The following SYTL2 variants were observed in gnomAD, a reference collection of about 807,000 sequenced individuals.
SYTL2 encodes synaptotagmin like 2.
Under a neutral mutation model 198.7 loss-of-function variants are expected in SYTL2, and 165 were observed. The ratio of observed to expected loss-of-function variants is 0.83; its 90% CI spans 0.73 to 0.94. The LOEUF (loss-of-function observed/expected upper bound fraction) is 0.94, where lower values mean the gene tolerates loss of function less well. Ranked by LOEUF, SYTL2 falls within the 40% of genes least tolerant of loss-of-function variation. The pLI is 0.00. For synonymous variants in SYTL2, 966 were observed against 917.7 expected (o/e 1.05, Z -0.95); for missense variants, 2,835 against 2,582.8 (o/e 1.10, Z -2.12).
chr11:85,733,122 A>G (rs1221675350), intron 7 of SYTL2, among the ~76,000 whole-genome samples: 1 of 152,194 alleles, frequency 6.6e-6, no homozygotes, highest in Non-Finnish European at 1.5e-5. Context: ...GAGCAGGCCA[A>G]AGTCTGAGGC....
In SYTL2 at chr11:85,724,199, G is replaced by A. The variant is rs1017354532; in HGVS notation, c.5159C>T (p.Pro1720Leu). The A allele has an allele frequency of 2.5e-6, 4 of 1,597,052 alleles. No individual in the cohort carries two copies. The highest frequency in any genetic ancestry group is 3.4e-6 in the Non-Finnish European group (4 of 1,175,276). ...AGAGTTTTCTTTGTTCATCAGGAGA[G>A]GAATGGGTTGCCTATTTCTGGACAC... The part of the protein sequence containing the change: ...ISVSRNRQPI[P>L]LLMNKENSTK... The change falls in exon 8 of 20, where the codon CCT (proline) becomes CTT (leucine). Residue 1720 changes from proline (P) to leucine (L), a missense_variant. Pro to Leu is a moderately conservative substitution (Grantham distance 98). Coordinates refer to ENST00000359152, the MANE Select transcript of SYTL2 (RefSeq NM_206927.4).
At chr11:85,717,601 C>G in intron 10 of SYTL2, 71 bp from the exon 11 acceptor site, 1 of 1,312,608 alleles carries the variant, frequency 7.6e-7, no homozygotes, top group Non-Finnish European at 1.1e-6. Context: ...GAAAGTAAAG[C>G]TCAAATGTCA....
chr11:85,842,027 A>T, the SYTL2 span, among the ~76,000 whole-genome samples: 1 of 152,168 alleles, frequency 6.6e-6, no homozygotes, highest in East Asian at 1.9e-4. Context: ...ACCACCTTTT[A>T]CATGTCAGGC....
chr11:85,853,092 C>G, the SYTL2 span: 1 of 295,176 alleles, frequency 3.4e-6, no homozygotes, highest in Non-Finnish European at 6.6e-6. Context: ...TCGGGGGCGC[C>G]TCTGCCCGGC....
In SYTL2 at chr11:85,695,236, G is replaced by C; in HGVS notation, c.6679C>G (p.Leu2227Val). ...GCAATCAAAAGCATTCTGAGAGGCAGTGTTGCTTCAATCCAAGTATTGGGG... is the reference window on the plus strand; with the variant it reads ...GCAATCAAAAGCATTCTGAGAGGCACTGTTGCTTCAATCCAAGTATTGGGG... Reference protein sequence around the residue: ...NSPNTWIEATLPLRMLLIAKI... With the variant: ...NSPNTWIEATVPLRMLLIAKI... Residue 2227 changes from leucine to valine, a missense_variant, in exon 20 of 20, where the codon CTG becomes GTG. Around this residue, in one of 3 missense-constraint regions of SYTL2, gnomAD observed 185 missense variants for 182.1 expected, o/e 1.02. Coordinates refer to ENST00000359152, the MANE Select transcript of SYTL2 (RefSeq NM_206927.4). 6.2e-7 allele frequency: 1 copy of C among 1,612,984 alleles called. No homozygotes were observed. The highest frequency in any genetic ancestry group is 8.5e-7 in the Non-Finnish European group (1 of 1,179,298).
chr11:85,709,246 C>T (rs1448481731), intron 14 of SYTL2, 85 bp downstream of exon 14: 1 of 1,383,572 alleles, frequency 7.2e-7, no homozygotes, highest in African/African-American at 1.4e-5. Flanking sequence ...CCTCCCTCCT[C>T]TTGATTACTT....
intron 1 of SYTL2, among the ~76,000 whole-genome samples, chr11:85,785,098 C>T (rs1251078005): frequency 1.3e-5 from 2 of 152,068 alleles, no homozygotes; most frequent in Non-Finnish European, 1.5e-5. Flanking sequence ...AGAGAAATGC[C>T]ACACCCATTC....
chr11:85,741,397 C>T (rs925027782), intron 4 of SYTL2, among the ~76,000 whole-genome samples: 11 of 152,182 alleles, frequency 7.2e-5, no homozygotes, highest in Admixed American at 7.2e-4. Flanking sequence ...AGTGTTCCCA[C>T]TGTTCAGGCT....
At chr11:85,829,597 T>C in the SYTL2 span, among the ~76,000 whole-genome samples, 1 of 152,218 alleles carries the variant, frequency 6.6e-6, no homozygotes, top group African/African-American at 2.4e-5. Context: ...CAAATGGTAG[T>C]TCTGTTTTAA....
At chr11:85,717,770 C>T in intron 10 of SYTL2, 1 of 545,730 alleles carries the variant, frequency 1.8e-6, no homozygotes, top group Non-Finnish European at 3.5e-6. Context: ...TCCTGTAATT[C>T]ACTAGACCAC....
At chr11:85,703,852 A>G (rs1170464734) in intron 16 of SYTL2, among the ~76,000 whole-genome samples, 1 of 152,176 alleles carries the variant, frequency 6.6e-6, no homozygotes, top group Non-Finnish European at 1.5e-5. Flanking sequence ...CTGTTCTGAA[A>G]GTGGCAAAAG....
intron 1 of SYTL2, among the ~76,000 whole-genome samples, chr11:85,762,090 T>C (rs1591954126): frequency 6.6e-6 from 1 of 152,150 alleles, no homozygotes. Context: ...ACATTGACAT[T>C]TCATTTAATT....
Position 85,720,972 on chromosome 11 carries a change from A to C in SYTL2, c.5327-13T>G. 6.4e-7 allele frequency: 1 copy of C among 1,552,896 alleles called. No individual in the cohort carries two copies. Among genetic ancestry groups the C allele is most frequent in the Non-Finnish European group, 8.9e-7 (1 of 1,125,076 alleles). On this transcript the variant is annotated splice_polypyrimidine_tract_variant and intron_variant, in intron 8 of 19. Coordinates refer to ENST00000359152, the MANE Select transcript of SYTL2 (RefSeq NM_206927.4). ...TCTTCTTCTGAACCTGTTATAAAACAAAATCGATGAACACTGCACAATACC... is the reference window on the plus strand; with the variant it reads ...TCTTCTTCTGAACCTGTTATAAAACCAAATCGATGAACACTGCACAATACC...
At chr11:85,753,305 C>T (rs1448729160) in intron 2 of SYTL2, among the ~76,000 whole-genome samples, 2 of 152,180 alleles carry the variant, frequency 1.3e-5, no homozygotes, top group Non-Finnish European at 2.9e-5. Flanking sequence ...GTCTCCTTCA[C>T]TGCTGGTCTG....
intron 4 of SYTL2, among the ~76,000 whole-genome samples, chr11:85,740,804 G>A (rs1162552199): frequency 1.3e-5 from 2 of 152,202 alleles, no homozygotes; most frequent in Non-Finnish European, 2.9e-5. Flanking sequence ...CTATGGTATT[G>A]GCATCAGGGT....
At chr11:85,853,049 C>T in the SYTL2 span, 10 of 297,984 alleles carry the variant, frequency 3.4e-5, no homozygotes, top group Non-Finnish European at 5.3e-5. Context: ...AAGTGAGGAG[C>T]GCCTCCGCCC....
chr11:85,744,869 C>A (rs1473673264), intron 4 of SYTL2, among the ~76,000 whole-genome samples: 1 of 152,130 alleles, frequency 6.6e-6, no homozygotes, highest in African/African-American at 2.4e-5. Context: ...TACCTAAAAA[C>A]AAATCATTAT....
chr11:85,844,083 C>T, the SYTL2 span, among the ~76,000 whole-genome samples: 1 of 152,212 alleles, frequency 6.6e-6, no homozygotes, highest in Non-Finnish European at 1.5e-5. Context: ...CTCTGCAATA[C>T]CCCTTTCAAC....
intron 11 of SYTL2, chr11:85,716,984 C>CA (rs2087391253): frequency 6.6e-6 from 1 of 152,380 alleles, no homozygotes; most frequent in Admixed American, 6.5e-5. Context: ...TTTTGAAACT[C>CA]AGAGTTTAAA....
Sources: gnomAD v4.1 joint callset for allele counts (sites outside exome capture counted in the v4.1 genomes callset) on GRCh38, gnomAD v4.1.1 for gene constraint, gnomAD v4.1.1 regional missense constraint, MANE v1.5 for transcripts, NCBI Gene and HGNC (gene_info 2026-07-23, HGNC 2026-07-21) for gene names.